SCNM1: variants seen among roughly 807,000 people sequenced by gnomAD.
The protein encoded by SCNM1 is sodium channel modifier 1.
SCNM1 carries 24 observed loss-of-function variants against 32.8 expected under a neutral mutation model. The observed-to-expected ratio is 0.73, with a 90% CI of 0.53 to 1.03. The LOEUF (loss-of-function observed/expected upper bound fraction) is 1.03, where lower values mean the gene tolerates loss of function less well. Ranked by LOEUF, SCNM1 falls within the 50% of genes least tolerant of loss-of-function variation. SCNM1 has a pLI of 0.00. For missense variants in SCNM1, 274 were observed against 282.3 expected (o/e 0.97, Z 0.21); for synonymous variants, 99 against 103.2 (o/e 0.96, Z 0.25).
intron 4 of SCNM1, 53 bp from the exon 5 acceptor site, chr1:151,167,273 C>G: frequency 6.2e-7 from 1 of 1,613,984 alleles, no homozygotes; most frequent in Non-Finnish European, 8.5e-7. Context: ...ACACACCAGG[C>G]TGGAAGGGCG....
rs757514152 is a variant in SCNM1, at chr1:151,167,179, AC to A, written c.271del (p.His91IlefsTer5). On this transcript the variant is annotated frameshift_variant, in exon 4 of 7. Coordinates refer to ENST00000368905, the MANE Select transcript of SCNM1 (RefSeq NM_024041.4). LOFTEE classifies it high-confidence loss of function. Reference protein sequence around the residue: ...PGKERKQNPKHQNELRREETK... With the variant: ...PGKERKQNPKXQNELRREETK... ...GAAAGGAAAGAAAGCAGAATCCAAA[AC>A]ATCAGAATGAATTGAGAAGGGAAGA... is the stretch of plus-strand genomic sequence containing the variant. 6.2e-7 allele frequency: 1 copy of A among 1,614,208 alleles called. No individual in the cohort carries two copies. Among genetic ancestry groups the A allele is most frequent in the Non-Finnish European group, 8.5e-7 (1 of 1,180,036 alleles).
At chr1:151,166,644 G>A in intron 2 of SCNM1, 103 bp downstream of exon 2, 1 of 1,513,068 alleles carries the variant, frequency 6.6e-7, no homozygotes, top group Non-Finnish European at 8.8e-7. Context: ...GTGCTGCCCA[G>A]GCTGCCCTCG....
At chr1:151,168,895 C>T (rs587693434) in intron 6 of SCNM1, 91 bp from the exon 7 acceptor site, 2 of 1,478,676 alleles carry the variant, frequency 1.4e-6, no homozygotes, top group South Asian at 2.4e-5. Flanking sequence ...GCCTCGGCCT[C>T]CCAGAGTGCT....
At position 151,168,229 on chromosome 1, in the gene SCNM1, C is replaced by A. The variant is rs754321997; in HGVS notation, c.484C>A (p.Pro162Thr). The A allele has an allele frequency of 2.6e-5, 42 of 1,614,074 alleles. No individual in the cohort carries two copies. Among genetic ancestry groups the A allele is most frequent in the Non-Finnish European group, 3.5e-5 (41 of 1,180,038 alleles). ...KLQSGKISRE[P>T]EPAAGPQAEE... ...CCAAAGTGGGAAGATCAGTAGGGAA[C>A]CTGAACCTGCGGCTGGCCCACAGGC... The change falls in exon 6 of 7, where the codon CCT becomes ACT. Residue 162 changes from proline to threonine, a missense_variant. Coordinates refer to ENST00000368905, the MANE Select transcript of SCNM1 (RefSeq NM_024041.4).
In SCNM1 at chr1:151,169,394, G is replaced by A. The variant is rs1013007079; in HGVS notation, c.*309G>A. ...TGAGTAGCTGGGACTACAGGCGCCCGCCACCATGCCCAGCTAATTTTTTGT... is the reference window on the plus strand; with the variant it reads ...TGAGTAGCTGGGACTACAGGCGCCCACCACCATGCCCAGCTAATTTTTTGT... On this transcript the variant is annotated 3_prime_UTR_variant, in exon 7 of 7. Coordinates refer to ENST00000368905, the MANE Select transcript of SCNM1 (RefSeq NM_024041.4). 3.6e-5 allele frequency: 8 copies of A among 223,796 alleles called. No homozygotes were observed. The South Asian group carries it at 6.5e-4, about 18-fold the overall frequency. 13.9% of individuals were successfully genotyped at this position (223,796 alleles called of 1,614,324 possible). A position where few individuals can be genotyped will look rare whatever the true frequency, so the allele number is the denominator to read the frequency against.
rs1395774634 is a variant in SCNM1, at chr1:151,169,901, A to C, written c.*816A>C. 3.0e-6 allele frequency: 2 copies of C among 665,470 alleles called. No homozygotes were observed. The highest frequency in any genetic ancestry group is 1.8e-5 in the African/African-American group (1 of 54,836). The allele number at this position is 665,470 out of a possible 1,614,324, so 41.2% of individuals were successfully genotyped here. A position where few individuals can be genotyped will look rare whatever the true frequency, so the allele number is the denominator to read the frequency against. ...CCTGCCTGCTGATCCCCAGAGTATA[A>C]ATAATCCCCTGGTGAACTGGCAGTA... On this transcript the variant is annotated 3_prime_UTR_variant, in exon 7 of 7. Transcript: ENST00000368905.
Position 151,169,139 on chromosome 1 carries a change from C to T in SCNM1, c.*54C>T. 1 of 1,596,196 alleles carries T rather than the reference C, an allele frequency of 6.3e-7. No homozygotes were observed. Among genetic ancestry groups the T allele is most frequent in the East Asian group, 2.2e-5 (1 of 44,558 alleles). Reference sequence around the variant, plus strand: ...ATTACAATGGGTGCTGAGAACTTAACTTTCCTTAAGTCTGGTTCCTTGTTG... The same window carrying T: ...ATTACAATGGGTGCTGAGAACTTAATTTTCCTTAAGTCTGGTTCCTTGTTG... On this transcript the variant is annotated 3_prime_UTR_variant, in exon 7 of 7. Coordinates refer to ENST00000368905, the MANE Select transcript of SCNM1 (RefSeq NM_024041.4).
In SCNM1 at chr1:151,168,164, C is replaced by CT; in HGVS notation, c.420dup (p.Val141CysfsTer20). 1 of 1,613,668 alleles carries CT rather than the reference C, an allele frequency of 6.2e-7. No individual in the cohort carries two copies. The highest frequency in any genetic ancestry group is 8.5e-7 in the Non-Finnish European group (1 of 1,179,748). On this transcript the variant is annotated frameshift_variant, in exon 6 of 7. Transcript: ENST00000368905. LOFTEE classifies it high-confidence loss of function. ...CCTAGACCAGAAGCCCCTGGTCCCT[C>CT]TGTCTCCCTTTCCCCTATGCCACCC...
chr1:151,166,207 A>C lies in SCNM1; in HGVS notation c.51+4A>C, dbSNP rs368258231. The stretch of plus-strand genomic sequence containing the variant: ...GAGTCAACTCAATGTGCTCAAAGTA[A>C]GCGTGAGCGGAGAGGATCTGGAGCC... On this transcript the variant is annotated splice_donor_region_variant and intron_variant, in intron 1 of 6. Transcript: ENST00000368905. 79 of 1,596,606 alleles carry C rather than the reference A, an allele frequency of 4.9e-5. No homozygotes were observed. The highest frequency in any genetic ancestry group is 6.4e-5 in the Non-Finnish European group (75 of 1,170,604).
At position 151,169,968 on chromosome 1, in the gene SCNM1, A is replaced by G. The variant is rs587682337; in HGVS notation, c.*883A>G. 4.7e-6 allele frequency: 6 copies of G among 1,270,020 alleles called. No homozygotes were observed. The East Asian group carries it at 1.2e-4, about 25-fold the overall frequency. The allele number at this position is 1,270,020 out of a possible 1,614,324, so 78.7% of individuals were successfully genotyped here. On this transcript the variant is annotated 3_prime_UTR_variant, in exon 7 of 7. Transcript: ENST00000368905. ...GCCAAGATTCTCACCCCAAAGCCCAAGGAAGGAGGCAGGCAAAATGGATAG... is the reference window on the plus strand; with the variant it reads ...GCCAAGATTCTCACCCCAAAGCCCAGGGAAGGAGGCAGGCAAAATGGATAG...
At chr1:151,168,922 G>C (rs960513628) in intron 6 of SCNM1, 64 bp from the exon 7 acceptor site, 6 of 1,581,096 alleles carry the variant, frequency 3.8e-6, no homozygotes, top group Non-Finnish European at 4.3e-6. Flanking sequence ...ACTGGTGTGA[G>C]CTCACCACTA....
intron 1 of SCNM1, 71 bp downstream of exon 1, chr1:151,166,274 A>T: frequency 6.4e-7 from 1 of 1,553,794 alleles, no homozygotes; most frequent in Non-Finnish European, 8.7e-7. Context: ...GCTTTGTTTC[A>T]TTGCTCTGGC....
At chr1:151,168,006 T>C (rs911475354) in intron 5 of SCNM1, 138 bp from the exon 6 acceptor site, 1 of 1,007,094 alleles carries the variant, frequency 9.9e-7, no homozygotes, top group Non-Finnish European at 1.4e-6. Context: ...AAATTCATGA[T>C]TCTGAAATCC....
In SCNM1 at chr1:151,166,573, T is replaced by C. The variant is rs774778180; in HGVS notation, c.122+32T>C. ...GCAAGGAGTGGCTCAAGCCTGAGGG[T>C]TCTGCGGTTAGAGGCTCAATAGACT... is the stretch of plus-strand genomic sequence containing the variant. On this transcript the variant is annotated intron_variant, in intron 2 of 6. Transcript: ENST00000368905. 3 of 1,609,960 alleles carry C rather than the reference T, an allele frequency of 1.9e-6. No individual in the cohort carries two copies. In the Admixed American group the frequency reaches 5.1e-5, roughly 27 times the overall value.
Position 151,168,207 on chromosome 1 carries a change from A to G in SCNM1, c.462A>G (p.Gln154=). 1 of 1,614,158 alleles carries G rather than the reference A, an allele frequency of 6.2e-7. No homozygotes were observed. The highest frequency in any genetic ancestry group is 8.5e-7 in the Non-Finnish European group (1 of 1,180,024). ...TGCCACCCTCAGAGGTCAAACTCCA[A>G]AGTGGGAAGATCAGTAGGGAACCTG... is the stretch of plus-strand genomic sequence containing the variant. The part of the protein sequence containing the change: ...SPMPPSEVKL[Q]SGKISREPEP... The change falls in exon 6 of 7, where the codon CAA becomes CAG. Residue 154 remains glutamine, a synonymous_variant. Transcript: ENST00000368905.
At chr1:151,166,428 A>G in intron 1 of SCNM1, 43 bp from the exon 2 acceptor site, 1 of 1,612,712 alleles carries the variant, frequency 6.2e-7, no homozygotes, top group Non-Finnish European at 8.5e-7. Flanking sequence ...CCTCTCTCCT[A>G]TCCCGCTGAT....
chr1:151,169,377 T>G lies in SCNM1; in HGVS notation c.*292T>G. The G allele has an allele frequency of 3.9e-6, 1 of 256,142 alleles. No homozygotes were observed. 15.9% of individuals were successfully genotyped at this position (256,142 alleles called of 1,614,324 possible). A position where few individuals can be genotyped will look rare whatever the true frequency, so the allele number is the denominator to read the frequency against. On this transcript the variant is annotated 3_prime_UTR_variant, in exon 7 of 7. Coordinates refer to ENST00000368905, the MANE Select transcript of SCNM1 (RefSeq NM_024041.4). ...CTCCTGCCTCAGCCTCCTGAGTAGCTGGGACTACAGGCGCCCGCCACCATG... is the reference window on the plus strand; with the variant it reads ...CTCCTGCCTCAGCCTCCTGAGTAGCGGGGACTACAGGCGCCCGCCACCATG...
rs147396420 is a variant in SCNM1 at position 151,168,255 on chromosome 1, C to T, written c.510C>T (p.Ala170=). 5 of 1,614,036 alleles carry T rather than the reference C, an allele frequency of 3.1e-6. No homozygotes were observed. Among genetic ancestry groups the T allele is most frequent in the Non-Finnish European group, 4.2e-6 (5 of 1,180,036 alleles). The change falls in exon 6 of 7, where the codon GCC becomes GCT. Residue 170 remains alanine, a synonymous_variant. Coordinates refer to ENST00000368905, the MANE Select transcript of SCNM1 (RefSeq NM_024041.4). ...REPEPAAGPQ[A]EESATVSAPA... is the part of the protein sequence containing the mutation. ...CTGAACCTGCGGCTGGCCCACAGGCCGAGGAGTCAGCAACTGTCTCAGCCC... is the reference window on the plus strand; with the variant it reads ...CTGAACCTGCGGCTGGCCCACAGGCTGAGGAGTCAGCAACTGTCTCAGCCC...
intron 5 of SCNM1, chr1:151,167,883 A>T: frequency 2.5e-6 from 1 of 395,654 alleles, no homozygotes; most frequent in Non-Finnish European, 4.4e-6. Flanking sequence ...TGATTTTTAA[A>T]TAAAGTTTGG....
Sources: allele counts gnomAD v4.1 joint callset, GRCh38; gene constraint gnomAD v4.1.1; transcripts MANE v1.5; gene names NCBI Gene and HGNC (gene_info 2026-07-23, HGNC 2026-07-21).